Variants in DAB1 observed in about 807,000 individuals in gnomAD.
The protein encoded by DAB1 is DAB adaptor protein 1.
A neutral mutation model predicts 64.6 loss-of-function variants in DAB1; 15 were observed. The ratio of observed to expected loss-of-function variants is 0.23; its 90% CI spans 0.16 to 0.36. DAB1 has a LOEUF of 0.36. Among genes scored for constraint, DAB1 ranks in the 10% least tolerant of loss-of-function variants. The pLI is 1.00. For synonymous variants in DAB1, 235 were observed against 251.9 expected, an observed-to-expected ratio of 0.93 and a Z score of 0.64; for missense variants, 596 against 706.7, an observed-to-expected ratio of 0.84 and a Z score of 1.78.
rs902584107 is a variant in DAB1 at position 57,201,942 on chromosome 1, G to A, written c.68-56513C>T. 5.3e-5 allele frequency among the ~76,000 whole-genome samples: 8 copies of A among 152,148 alleles called. No individual in the cohort carries two copies. The Middle Eastern group carries it at 0.01, about 194-fold the overall frequency. On this transcript the variant is annotated intron_variant, in intron 2 of 14. Coordinates refer to ENST00000371236, the MANE Select transcript of DAB1 (RefSeq NM_001365792.1). ...TTCTATAGCATCTTACACAGACTAC[G>A]TAATTTAAAAAACAGGTGGAGGAAC...
chr1:57,023,149 G>GGA (rs1247097843), intron 11 of DAB1, among the ~76,000 whole-genome samples: 26 of 152,258 alleles, frequency 1.7e-4, no homozygotes, highest in African/African-American at 6.0e-4. Flanking sequence ...TATCCATCAG[G>GGA]TCTCAAGAAG....
intron 2 of DAB1, among the ~76,000 whole-genome samples, chr1:57,261,764 C>A (rs75170091): frequency 0.022 from 3,293 of 152,242 alleles, 116 homozygotes; most frequent in African/African-American, 0.075. Context: ...TCAACGTCAA[C>A]CTCTAAAATG....
chr1:57,361,011 A>C (rs1413771981), intron 1 of DAB1, among the ~76,000 whole-genome samples: 2 of 152,096 alleles, frequency 1.3e-5, no homozygotes, highest in African/African-American at 4.8e-5. Flanking sequence ...TAGTTAGGAG[A>C]GAGGCCCCCC....
At chr1:57,531,679 G>A (rs1227874707) in intron 7 of DAB1, among the ~76,000 whole-genome samples, 2 of 151,890 alleles carry the variant, frequency 1.3e-5, no homozygotes, top group East Asian at 1.9e-4. Context: ...GAGGGAGGGA[G>A]GGCAACTGCA....
At chr1:57,810,019 G>C (rs1435237307) in intron 6 of DAB1, among the ~76,000 whole-genome samples, 2 of 152,126 alleles carry the variant, frequency 1.3e-5, no homozygotes, top group Non-Finnish European at 2.9e-5. Flanking sequence ...ACAGCAGCCT[G>C]CAGGGATTTG....
chr1:57,228,378 AC>A (rs1391926319), intron 2 of DAB1, among the ~76,000 whole-genome samples: 1 of 152,216 alleles, frequency 6.6e-6, no homozygotes, highest in East Asian at 1.9e-4. Flanking sequence ...TCAAAAAAAC[AC>A]ATCAGTAAGA....
chr1:58,235,447 G>C (rs1557707777), intron 4 of DAB1, among the ~76,000 whole-genome samples: 1 of 152,164 alleles, frequency 6.6e-6, no homozygotes, highest in Non-Finnish European at 1.5e-5. Flanking sequence ...AAAGATAAGG[G>C]AACAAAGTTC....
chr1:57,925,905 G>A (rs1202759), intron 5 of DAB1, among the ~76,000 whole-genome samples: 22,319 of 152,132 alleles, frequency 0.15, 2,272 homozygotes, highest in African/African-American at 0.29. Flanking sequence ...ACAGGTCTGG[G>A]GTTTCTCTTG....
At chr1:57,289,805 C>T (rs1167973763) in intron 2 of DAB1, among the ~76,000 whole-genome samples, 1 of 152,160 alleles carries the variant, frequency 6.6e-6, no homozygotes, top group Non-Finnish European at 1.5e-5. Context: ...CTCTCCCATG[C>T]AGCTGAGAAA....
intron 1 of DAB1, among the ~76,000 whole-genome samples, chr1:57,340,629 GC>G (rs1677496305): frequency 6.6e-6 from 1 of 150,888 alleles, no homozygotes; most frequent in Admixed American, 6.7e-5. Flanking sequence ...TATCTGGCTA[GC>G]CCAGGTCAGT....
rs185178363 is a variant in DAB1, at chr1:58,237,901, C to T, written n.310-87313G>A. ...ATCTTATCATAATCAAAATAATAGC[C>T]AACTCATTGTTTACTATGTGTTCTT... On this transcript the variant is annotated intron_variant and non_coding_transcript_variant, in intron 4 of 20. Coordinates refer to the DAB1 transcript ENST00000485760. Among the ~76,000 whole-genome samples, 7 of 152,198 alleles carry T rather than the reference C, an allele frequency of 4.6e-5. No individual in the cohort carries two copies. In the East Asian group the frequency reaches 1.3e-3, roughly 29 times the overall value.
At chr1:57,648,818 TA>T (rs1244838788) in intron 7 of DAB1, among the ~76,000 whole-genome samples, 8 of 152,164 alleles carry the variant, frequency 5.3e-5, no homozygotes, top group Non-Finnish European at 8.8e-5. Flanking sequence ...TAAGGGGGGT[TA>T]GGGGTAATCT....
At chr1:57,995,254 A>G (rs1176112713) in intron 5 of DAB1, among the ~76,000 whole-genome samples, 1 of 152,176 alleles carries the variant, frequency 6.6e-6, no homozygotes, top group East Asian at 1.9e-4. Context: ...AAAGTGAGAG[A>G]AGAGCAAAAA....
At chr1:58,107,587 C>T (rs1023303774) in intron 5 of DAB1, among the ~76,000 whole-genome samples, 8 of 151,772 alleles carry the variant, frequency 5.3e-5, no homozygotes, top group African/African-American at 1.9e-4. Flanking sequence ...CAAAGGGAAG[C>T]TAGCATGTTT....
chr1:57,473,297 C>T (rs944428785), intron 7 of DAB1, among the ~76,000 whole-genome samples: 2 of 152,206 alleles, frequency 1.3e-5, no homozygotes, highest in Non-Finnish European at 2.9e-5. Context: ...CAGGGCTGGA[C>T]ACCCACCTTC....
chr1:57,925,600 T>C (rs1425197899), intron 5 of DAB1, among the ~76,000 whole-genome samples: 1 of 152,208 alleles, frequency 6.6e-6, no homozygotes, highest in Non-Finnish European at 1.5e-5. Context: ...GTTCTCTTCA[T>C]AAGGATTTTC....
chr1:57,567,238 A>G (rs1175261129), intron 7 of DAB1, among the ~76,000 whole-genome samples: 1 of 152,212 alleles, frequency 6.6e-6, no homozygotes, highest in Non-Finnish European at 1.5e-5. Flanking sequence ...CCTTCATGCT[A>G]AAAACTCTCA....
At chr1:57,265,714 C>T (rs546508136) in intron 2 of DAB1, among the ~76,000 whole-genome samples, 8 of 152,190 alleles carry the variant, frequency 5.3e-5, no homozygotes, top group South Asian at 4.1e-4. Flanking sequence ...CACTCGTGGA[C>T]GGCCAATATA....
intron 5 of DAB1, among the ~76,000 whole-genome samples, chr1:58,083,840 G>A (rs771703769): frequency 1.2e-4 from 18 of 152,192 alleles, no homozygotes; most frequent in South Asian, 2.1e-4. Context: ...AATGGTGTCC[G>A]GAGAAACTCT....
Sources: gnomAD v4.1 joint callset for allele counts (sites outside exome capture counted in the v4.1 genomes callset) on GRCh38, gnomAD v4.1.1 for gene constraint, MANE v1.5 for transcripts, NCBI Gene and HGNC (gene_info 2026-07-23, HGNC 2026-07-21) for gene names.